The following UGT1A5 variants were observed in gnomAD, a reference collection of about 807,000 sequenced individuals.
UGT1A5 encodes the protein UDP-glucuronosyltransferase 1A5.
In UGT1A5, 29 loss-of-function variants were observed where a neutral mutation model predicts 40.3. The ratio of observed to expected loss-of-function variants is 0.72; its 90% CI spans 0.54 to 0.98. The LOEUF (loss-of-function observed/expected upper bound fraction) is 0.98. Ranked by LOEUF, UGT1A5 falls within the 50% of genes least tolerant of loss-of-function variation. The probability of loss-of-function intolerance (pLI) is 0.00; values close to 1 mark genes in which losing one functional copy is unlikely to be tolerated. For synonymous variants in UGT1A5, 257 were observed against 262.5 expected, an observed-to-expected ratio of 0.98 and a Z score of 0.20; for missense variants, 678 against 677.9, an observed-to-expected ratio of 1.00 and a Z score of 0.00.
intron 1 of UGT1A5, among the ~76,000 whole-genome samples, chr2:233,749,662 A>G (rs1433200566): frequency 2.0e-5 from 3 of 151,858 alleles, no homozygotes; most frequent in African/African-American, 7.3e-5. Flanking sequence ...TGTAATCCCC[A>G]TAATCCCCAC....
At chr2:233,731,192 A>G (rs1451773849) in intron 1 of UGT1A5, among the ~76,000 whole-genome samples, 1 of 152,106 alleles carries the variant, frequency 6.6e-6, no homozygotes, top group African/African-American at 2.4e-5. Context: ...GTAATTATTC[A>G]ATTATAAAAT....
At chr2:233,761,114 G>A (rs570314042) in intron 1 of UGT1A5, 1 of 1,614,204 alleles carries the variant, frequency 6.2e-7, no homozygotes, top group South Asian at 1.1e-5. Context: ...GTTTTTGTTG[G>A]TGGAATCAAC....
rs1378929014 is a variant in UGT1A5, at chr2:233,747,451, A to G, written c.868-19583A>G. On this transcript the variant is annotated intron_variant, in intron 1 of 4. Coordinates refer to ENST00000373414, the MANE Select transcript of UGT1A5 (RefSeq NM_019078.2). ...GAGAAATTTTTCACCCTGACAACCT[A>G]TGCCATTTCATGGACCCAGGATGAA... is the stretch of plus-strand genomic sequence containing the variant. 1.7e-4 allele frequency: 273 copies of G among 1,608,716 alleles called. 1 individual carries two copies. The highest frequency in any genetic ancestry group is 3.3e-5 in the Admixed American group (2 of 59,980).
chr2:233,750,975 G>A (rs1468208410), intron 1 of UGT1A5, among the ~76,000 whole-genome samples: 2 of 151,842 alleles, frequency 1.3e-5, no homozygotes, highest in African/African-American at 2.4e-5. Flanking sequence ...GCCTAGTGGA[G>A]TTGTGAGAAG....
At chr2:233,725,483 GCAAAAAGAAACCA>G (rs2077451609) in intron 1 of UGT1A5, among the ~76,000 whole-genome samples, 1 of 151,876 alleles carries the variant, frequency 6.6e-6, no homozygotes, top group Admixed American at 6.6e-5. Flanking sequence ...TTAGAAACCA[GCAAAAAGAAACCA>G]CTGAAATTAA....
At chr2:233,719,227 C>G in intron 1 of UGT1A5, 1 of 1,614,176 alleles carries the variant, frequency 6.2e-7, no homozygotes, top group Non-Finnish European at 8.5e-7. Context: ...CATAATGAGG[C>G]CCTGATCAGG....
At chr2:233,746,983 G>T (rs1426069164) in intron 1 of UGT1A5, among the ~76,000 whole-genome samples, 1 of 151,820 alleles carries the variant, frequency 6.6e-6, no homozygotes, top group Non-Finnish European at 1.5e-5. Context: ...AGCGAGCGCA[G>T]GGTCAGATGA....
chr2:233,713,749 C>T lies in UGT1A5; in HGVS notation c.758C>T (p.Ser253Phe), dbSNP rs1291086898. ...VSVVDLVSHA[S>F]VWLFRGDFVM... ...GTGGTGGATCTTGTCAGCCATGCAT[C>T]TGTGTGGCTGTTCCGAGGGGACTTT... The change falls in exon 1 of 5, where the codon TCT becomes TTT. Residue 253 changes from serine (S) to phenylalanine (F), a missense_variant. Coordinates refer to ENST00000373414, the MANE Select transcript of UGT1A5 (RefSeq NM_019078.2). The T allele has an allele frequency of 6.2e-7, 1 of 1,613,848 alleles. No homozygotes were observed. The highest frequency in any genetic ancestry group is 1.3e-5 in the African/African-American group (1 of 74,890).
intron 1 of UGT1A5, among the ~76,000 whole-genome samples, chr2:233,730,402 A>G (rs1395963298): frequency 2.6e-5 from 4 of 152,200 alleles, no homozygotes; most frequent in Non-Finnish European, 1.5e-5. Flanking sequence ...AGTAAATTAC[A>G]ATTGTTGACA....
intron 1 of UGT1A5, among the ~76,000 whole-genome samples, chr2:233,739,752 C>A (rs1309875267): frequency 1.3e-5 from 2 of 152,166 alleles, no homozygotes; most frequent in Non-Finnish European, 2.9e-5. Context: ...GGACTATGGA[C>A]TTTTGAGCTA....
At chr2:233,716,595 T>G (rs185923790) in intron 1 of UGT1A5, among the ~76,000 whole-genome samples, 46 of 152,352 alleles carry the variant, frequency 3.0e-4, no homozygotes, top group African/African-American at 1.1e-3. Context: ...GAGCAAAAAT[T>G]TTAGAATTTG....
chr2:233,755,205 G>C (rs1172737819), intron 1 of UGT1A5: 1 of 1,079,818 alleles, frequency 9.3e-7, no homozygotes, highest in East Asian at 4.8e-5. Flanking sequence ...CTTGCGGTAC[G>C]CCTTCTTGAT....
intron 1 of UGT1A5, chr2:233,718,700 T>C: frequency 1.0e-5 from 16 of 1,599,044 alleles, no homozygotes; most frequent in Non-Finnish European, 1.3e-5. Flanking sequence ...GAGGGCACTT[T>C]GTCTTCCAAT....
chr2:233,760,477 G>A (rs775184773), intron 1 of UGT1A5: 6 of 1,614,242 alleles, frequency 3.7e-6, no homozygotes, highest in South Asian at 2.2e-5. Flanking sequence ...AGCACCTGAC[G>A]CCTCGTTGTA....
intron 1 of UGT1A5, chr2:233,755,174 G>T (rs868590389): frequency 1.1e-5 from 14 of 1,248,736 alleles, no homozygotes; most frequent in Middle Eastern, 4.4e-4. Flanking sequence ...GGTTTTTGTC[G>T]GGGTGCCACT....
chr2:233,745,242 T>C (rs1693050473), intron 1 of UGT1A5, among the ~76,000 whole-genome samples: 11 of 151,840 alleles, frequency 7.2e-5, no homozygotes, highest in Admixed American at 7.2e-4. Context: ...CTATTTACTG[T>C]ATCGAAACCA....
At chr2:233,743,500 G>A (rs1692320466) in intron 1 of UGT1A5, 2 of 1,367,072 alleles carry the variant, frequency 1.5e-6, no homozygotes. Flanking sequence ...AGAGAAAAGG[G>A]GTGCAGACGC....
chr2:233,769,226 G>A lies in UGT1A5; in HGVS notation c.1307+787G>A, dbSNP rs934586436. Among the ~76,000 whole-genome samples, 1 of 152,190 alleles carries A rather than the reference G, an allele frequency of 6.6e-6. No individual in the cohort carries two copies. The highest frequency in any genetic ancestry group is 2.4e-5 in the African/African-American group (1 of 41,452). On this transcript the variant is annotated intron_variant, in intron 4 of 4. Transcript: ENST00000373414. The surrounding 1 kb of genome is among the most constrained non-coding windows in gnomAD (Gnocchi z 4.4). ...TCACAGACAAAGTCTTAGAATAAGA[G>A]CAAAGGAAAATTTGCTCAAATGTGG...
Position 233,768,303 on chromosome 2 carries a change from A to C in UGT1A5, c.1171A>C (p.Met391Leu). The change falls in exon 4 of 5, where the codon ATG (methionine) becomes CTG (leucine). Residue 391 changes from methionine (M) to leucine (L), a missense_variant. Met to Leu is a conservative substitution (Grantham distance 15, BLOSUM62 2). Coordinates refer to ENST00000373414, the MANE Select transcript of UGT1A5 (RefSeq NM_019078.2). ...ESICNGVPMV[M>L]MPLFGDQMDN... ...CATATGCAATGGCGTTCCCATGGTG[A>C]TGATGCCCTTGTTTGGTGATCAGAT... 2 of 1,614,200 alleles carry C rather than the reference A, an allele frequency of 1.2e-6. No individual in the cohort carries two copies. Among genetic ancestry groups the C allele is most frequent in the Non-Finnish European group, 1.7e-6 (2 of 1,180,040 alleles).
Sources: gnomAD v4.1 joint callset for allele counts (sites outside exome capture counted in the v4.1 genomes callset) on GRCh38, gnomAD v4.1.1 for gene constraint, Gnocchi (gnomAD v3.1) non-coding constraint, MANE v1.5 for transcripts, NCBI Gene and HGNC (gene_info 2026-07-23, HGNC 2026-07-21) for gene names.